Variants in OTOA observed in about 807,000 individuals in gnomAD.
The protein encoded by OTOA is cancer/testis antigen 108.
A neutral mutation model predicts 110.8 loss-of-function variants in OTOA; 70 were observed. The observed-to-expected ratio is 0.63, with a 90% CI of 0.52 to 0.77. The LOEUF is 0.77. OTOA is among the 30% of genes least tolerant of loss of function. The pLI, the probability that OTOA is intolerant of heterozygous loss-of-function variation, is 0.00. For synonymous variants in OTOA, 373 were observed against 431.5 expected (o/e 0.86, Z 1.68); for missense variants, 917 against 1,075.8 (o/e 0.85, Z 2.06).
At chr16:21,691,523 C>G (rs1897828595) in intron 8 of OTOA, 61 bp from the exon 9 acceptor site, 1 of 1,409,068 alleles carries the variant, frequency 7.1e-7, no homozygotes, top group Non-Finnish European at 1.0e-6. Context: ...GTTGTGACTC[C>G]CTTTTTAATG....
intron 9 of OTOA, among the ~76,000 whole-genome samples, chr16:21,694,648 G>A (rs2141668731): frequency 6.6e-6 from 1 of 152,136 alleles, no homozygotes; most frequent in African/African-American, 2.4e-5. Flanking sequence ...CTGGAGAAAG[G>A]GCATCCCAGA....
At chr16:21,698,945 A>T (rs2141673719) in intron 10 of OTOA, among the ~76,000 whole-genome samples, 1 of 152,128 alleles carries the variant, frequency 6.6e-6, no homozygotes, top group African/African-American at 2.4e-5. Flanking sequence ...AGGGAATTTT[A>T]TTTTATTTTA....
intron 17 of OTOA, among the ~76,000 whole-genome samples, chr16:21,722,626 T>A (rs938192074): frequency 6.6e-6 from 1 of 152,066 alleles, no homozygotes; most frequent in African/African-American, 2.4e-5. Flanking sequence ...ACTTAACCAA[T>A]CCCCTGCTGA....
rs1966821618 is a variant in OTOA at position 21,664,150 on chromosome 16, C to G, written c.-87C>G. The stretch of plus-strand genomic sequence containing the variant: ...CCGCCCCGCCGCTCTCCTGCCTGCC[C>G]GCTCCCCGCATGAGCCCCGCGGCCC... On this transcript the variant is annotated 5_prime_UTR_variant, in exon 1 of 29. Coordinates refer to ENST00000646100, the MANE Select transcript of OTOA (RefSeq NM_144672.4). 1 of 152,298 alleles carries G rather than the reference C, an allele frequency of 6.6e-6. No homozygotes were observed. Among genetic ancestry groups the G allele is most frequent in the African/African-American group, 2.4e-5 (1 of 41,440 alleles). 9.4% of individuals were successfully genotyped at this position (152,298 alleles called of 1,614,324 possible).
In OTOA at chr16:21,678,774, TCA is replaced by T. The variant is rs542559376; in HGVS notation, c.92-140_92-139del. Reference sequence around the variant, plus strand: ...GAGGATTTTTCAAGCCACGGTTTTCTCAGAGTGGACAGTTATAATTAAAATTC... The same window carrying T: ...GAGGATTTTTCAAGCCACGGTTTTCTGAGTGGACAGTTATAATTAAAATTC... On this transcript the variant is annotated intron_variant, in intron 2 of 28. Transcript: ENST00000646100. The T allele has an allele frequency of 2.1e-4, 259 of 1,241,318 alleles. 3 individuals are homozygous for T. The East Asian group carries it at 6.0e-3, about 29-fold the overall frequency. The allele number at this position is 1,241,318 out of a possible 1,614,324, so 76.9% of individuals were successfully genotyped here.
At chr16:21,684,658 G>C in intron 6 of OTOA, 1 of 820,318 alleles carries the variant, frequency 1.2e-6, no homozygotes, top group Non-Finnish European at 1.9e-6. Flanking sequence ...ATGTGCGCCC[G>C]GTGTTGCCAA....
At chr16:21,756,775 G>A (rs998105080) in intron 27 of OTOA, among the ~76,000 whole-genome samples, 9 of 151,278 alleles carry the variant, frequency 5.9e-5, no homozygotes, top group African/African-American at 2.2e-4. Flanking sequence ...TATTGTTGGC[G>A]GACAAATCTA....
rs764924194 is a variant in OTOA at position 21,719,151 on chromosome 16, C to T, written c.1648C>T (p.Leu550Phe). The T allele has an allele frequency of 6.2e-7, 1 of 1,613,970 alleles. No homozygotes were observed. Among genetic ancestry groups the T allele is most frequent in the Non-Finnish European group, 8.5e-7 (1 of 1,179,994 alleles). ...GRSQALFLYE[L>F]LLKTTRRPEE... is the part of the protein sequence containing the mutation. The stretch of plus-strand genomic sequence containing the variant: ...CTCGCAGGCTCTGTTCCTGTATGAG[C>T]TTCTGTTAAAGACCACCAGAAGGCC... Residue 550 changes from leucine (L) to phenylalanine (F), a missense_variant, in exon 16 of 29, where the codon CTT (leucine) becomes TTT (phenylalanine). Coordinates refer to ENST00000646100, the MANE Select transcript of OTOA (RefSeq NM_144672.4).
At position 21,744,108 on chromosome 16, in the gene OTOA, C is replaced by A. The variant is rs1159270353; in HGVS notation, c.2620-773C>A. On this transcript the variant is annotated intron_variant, in intron 23 of 28. Transcript: ENST00000646100. ...TTTCAACCATTCAACACATTATTAT[C>A]AACTGTGGTCACCATGCTGCACAAT... 1.4e-5 allele frequency among the ~76,000 whole-genome samples: 2 copies of A among 139,284 alleles called. 1 individual carries two copies. The highest frequency in any genetic ancestry group is 3.1e-5 in the Non-Finnish European group (2 of 63,688). The allele number at this position is 139,284 out of a possible 152,430, so 91.4% of individuals were successfully genotyped here. A position where few individuals can be genotyped will look rare whatever the true frequency, so the allele number is the denominator to read the frequency against.
chr16:21,705,354 G>A, intron 12 of OTOA, 62 bp downstream of exon 12: 1 of 1,611,764 alleles, frequency 6.2e-7, no homozygotes, highest in Admixed American at 1.7e-5. Context: ...GAGAAATGGG[G>A]AGAACAGCCT....
intron 1 of OTOA, among the ~76,000 whole-genome samples, chr16:21,675,099 TTC>T (rs1489838848): frequency 2.2e-5 from 3 of 136,226 alleles, no homozygotes; most frequent in Admixed American, 7.6e-5. Flanking sequence ...CTTTCTTTCT[TTC>T]TTTCTTTCTT....
intron 13 of OTOA, among the ~76,000 whole-genome samples, chr16:21,711,095 T>C (rs1336507872): frequency 1.3e-5 from 2 of 152,190 alleles, no homozygotes; most frequent in African/African-American, 4.8e-5. Flanking sequence ...ATGAAGAAGC[T>C]AGACCACCAG....
chr16:21,675,713 T>C (rs944923592), intron 1 of OTOA, among the ~76,000 whole-genome samples: 3 of 152,168 alleles, frequency 2.0e-5, no homozygotes, highest in Non-Finnish European at 4.4e-5. Flanking sequence ...GAAGTTCCTC[T>C]TGGGGTTTTT....
At position 21,726,658 on chromosome 16, in the gene OTOA, G is replaced by C; in HGVS notation, c.2016G>C (p.Leu672=). ...TCCTCAGGAAAGTGCAGCAGTGCCT[G>C]GTAAGAAAACTCTTCCTGGGTGTCC... ...TSVLRKVQQC[L]DDSIADEYTV... Residue 672 remains leucine (L), a splice_region_variant and synonymous_variant, in exon 19 of 29, where the codon CTG becomes CTC. Coordinates refer to ENST00000646100, the MANE Select transcript of OTOA (RefSeq NM_144672.4). 1 of 1,614,036 alleles carries C rather than the reference G, an allele frequency of 6.2e-7. No homozygotes were observed. The highest frequency in any genetic ancestry group is 8.5e-7 in the Non-Finnish European group (1 of 1,179,974).
At chr16:21,678,174 C>G (rs1245011849) in intron 1 of OTOA, among the ~76,000 whole-genome samples, 1 of 152,064 alleles carries the variant, frequency 6.6e-6, no homozygotes, top group African/African-American at 2.4e-5. Context: ...GTGTGAGCCA[C>G]CATGCTTGGC....
intron 8 of OTOA, among the ~76,000 whole-genome samples, chr16:21,688,741 C>T (rs1372864247): frequency 6.6e-6 from 1 of 152,074 alleles, no homozygotes; most frequent in African/African-American, 2.4e-5. Flanking sequence ...TAATCCCATT[C>T]ATGAGGTATC....
intron 1 of OTOA, among the ~76,000 whole-genome samples, chr16:21,666,946 G>C (rs1307267872): frequency 6.6e-6 from 1 of 152,148 alleles, no homozygotes; most frequent in Non-Finnish European, 1.5e-5. Flanking sequence ...GTTAATAGAG[G>C]GGCCCGAGCA....
At chr16:21,718,142 G>C (rs1234489689) in intron 15 of OTOA, among the ~76,000 whole-genome samples, 1 of 152,074 alleles carries the variant, frequency 6.6e-6, no homozygotes. Context: ...ATTTTTTATA[G>C]AGACAGGGTT....
rs537990838 is a variant in OTOA, at chr16:21,694,718, A to G, written c.739+3031A>G. Among the ~76,000 whole-genome samples, 801 of 152,310 alleles carry G rather than the reference A, an allele frequency of 5.3e-3. 2 individuals carry two copies. Among genetic ancestry groups the G allele is most frequent in the Non-Finnish European group, 8.5e-3 (575 of 68,032 alleles). Reference sequence around the variant, plus strand: ...GGAATGAGCTCGGTGTGGGGAAAACATAAGGAAAGCAGATGGGGCTGGAGG... The same window carrying G: ...GGAATGAGCTCGGTGTGGGGAAAACGTAAGGAAAGCAGATGGGGCTGGAGG... On this transcript the variant is annotated intron_variant, in intron 9 of 28. Coordinates refer to ENST00000646100, the MANE Select transcript of OTOA (RefSeq NM_144672.4).
Sources: allele counts gnomAD v4.1 joint callset (sites outside exome capture counted in the v4.1 genomes callset), GRCh38; gene constraint gnomAD v4.1.1; transcripts MANE v1.5; gene names NCBI Gene and HGNC (gene_info 2026-07-23, HGNC 2026-07-21).